RFC5: variants seen among roughly 807,000 people sequenced by gnomAD.
The protein encoded by RFC5 is A1 36 kDa subunit.
In RFC5, 26 loss-of-function variants were observed where a neutral mutation model predicts 44.3. The ratio of observed to expected loss-of-function variants is 0.59; its 90% confidence interval spans 0.43 to 0.81. The LOEUF (loss-of-function observed/expected upper bound fraction) is 0.81. Among genes scored for constraint, RFC5 ranks in the 40% least tolerant of loss-of-function variants. The pLI, the probability that RFC5 is intolerant of heterozygous loss-of-function variation, is 0.00. For missense variants in RFC5, 328 were observed against 418.6 expected, an observed-to-expected ratio of 0.78 and a Z score of 1.89; for synonymous variants, 155 against 155.2, an observed-to-expected ratio of 1.00 and a Z score of 0.01.
In RFC5 at chr12:118,025,008, GA is replaced by G; in HGVS notation, c.581del (p.Val195LeufsTer3). The G allele has an allele frequency of 6.2e-7, 1 of 1,612,578 alleles. No homozygotes were observed. The highest frequency in any genetic ancestry group is 8.5e-7 in the Non-Finnish European group (1 of 1,179,578). On this transcript the variant is annotated frameshift_variant and splice_region_variant, in exon 6 of 11. Coordinates refer to ENST00000454402, the MANE Select transcript of RFC5 (RefSeq NM_007370.7). LOFTEE classifies it high-confidence loss of function. ...PRLEHVVEEE[K>X]VDISEDGMKA... ...GCCTGGAACATGTCGTGGAAGAAGAGAAGTGAGTATTTTGCGGGCCTTTGGG... is the reference window on the plus strand; with the variant it reads ...GCCTGGAACATGTCGTGGAAGAAGAGAGTGAGTATTTTGCGGGCCTTTGGG...
chr12:118,026,701 C>T (rs2030966444), intron 7 of RFC5, among the ~76,000 whole-genome samples, 188 bp from the exon 8 acceptor site: 2 of 152,262 alleles, frequency 1.3e-5, no homozygotes, highest in Admixed American at 6.5e-5. Flanking sequence ...GAATAGCCAA[C>T]AGGCTGTGGC....
chr12:118,027,671 TAA>T (rs58896704), intron 8 of RFC5, among the ~76,000 whole-genome samples: 10 of 129,658 alleles, frequency 7.7e-5, no homozygotes, highest in South Asian at 2.7e-4. Context: ...GATTCCATCT[TAA>T]AAAAAAAAAA....
rs1404347684 is a variant in RFC5 at position 118,031,933 on chromosome 12, G to T, written c.*655G>T. ...ACTATGCCACTGGGTGGCAGAGGCT[G>T]TATAAAACGCACTTGTTTTCATGCA... is the stretch of plus-strand genomic sequence containing the variant. On this transcript the variant is annotated 3_prime_UTR_variant, in exon 11 of 11. Coordinates refer to ENST00000454402, the MANE Select transcript of RFC5 (RefSeq NM_007370.7). The T allele has an allele frequency of 1.3e-5, 2 of 152,228 alleles. No homozygotes were observed. Among genetic ancestry groups the T allele is most frequent in the Non-Finnish European group, 2.9e-5 (2 of 68,044 alleles). 9.4% of individuals were successfully genotyped at this position (152,228 alleles called of 1,614,324 possible).
intron 7 of RFC5, 135 bp downstream of exon 7, chr12:118,025,963 C>T (rs893087714): frequency 4.3e-5 from 26 of 598,260 alleles, no homozygotes; most frequent in Non-Finnish European, 9.0e-6. Context: ...AATCTCCTGC[C>T]TCCTGAGCAG....
intron 1 of RFC5, among the ~76,000 whole-genome samples, chr12:118,017,288 G>A (rs1330602602): frequency 6.6e-6 from 1 of 152,144 alleles, no homozygotes; most frequent in Non-Finnish European, 1.5e-5. Context: ...AACGCTCCCT[G>A]GTCAACTTTT....
At chr12:118,034,593 CGGCA>C (rs2031461561), downstream of RFC5, 1 of 541,690 alleles carries the variant, frequency 1.8e-6, no homozygotes, top group Admixed American at 3.4e-5. Flanking sequence ...GTCTCTCTCT[CGGCA>C]CAGCCCTTTC....
At chr12:118,018,962 G>T in intron 1 of RFC5, 110 bp from the exon 2 acceptor site, 1 of 804,666 alleles carries the variant, frequency 1.2e-6, no homozygotes, top group Non-Finnish European at 2.0e-6. Context: ...GCCTCCCAAA[G>T]TGCTGGGATT....
downstream of RFC5, chr12:118,034,571 A>AGC (rs1555267381): frequency 8.8e-6 from 4 of 456,956 alleles, no homozygotes; most frequent in Admixed American, 8.7e-5. Flanking sequence ...GTGATACCAA[A>AGC]GCGCTCTCTC....
At chr12:118,033,276 C>T (rs989131930), downstream of RFC5, 1 of 152,460 alleles carries the variant, frequency 6.6e-6, no homozygotes, top group Non-Finnish European at 1.5e-5. Flanking sequence ...AGATCTCGTA[C>T]ATAAGAGTAT....
rs1291621402 is a variant in RFC5, at chr12:118,029,766, C to T, written c.872-5C>T. 1 of 1,603,388 alleles carries T rather than the reference C, an allele frequency of 6.2e-7. No individual in the cohort carries two copies. Among genetic ancestry groups the T allele is most frequent in the Non-Finnish European group, 8.5e-7 (1 of 1,170,318 alleles). On this transcript the variant is annotated splice_region_variant and splice_polypyrimidine_tract_variant and intron_variant, in intron 9 of 10. Transcript: ENST00000454402. ...CTAACTCATTTGATTTTGTTTTTCC[C>T]TCAGTTGACTTTCCATCTTCAGTTC...
At position 118,027,046 on chromosome 12, in the gene RFC5, C is replaced by G. The variant is rs1173264809; in HGVS notation, c.793+28C>G. The G allele has an allele frequency of 3.1e-6, 5 of 1,602,338 alleles. No individual in the cohort carries two copies. The South Asian group carries it at 5.5e-5, about 18-fold the overall frequency. Reference sequence around the variant, plus strand: ...ATCCTTTCTCATGACCTCCTGGCCACCGAGACCTGAAGGTGGCCCCAGGAG... The same window carrying G: ...ATCCTTTCTCATGACCTCCTGGCCAGCGAGACCTGAAGGTGGCCCCAGGAG... On this transcript the variant is annotated intron_variant, in intron 8 of 10. Coordinates refer to ENST00000454402, the MANE Select transcript of RFC5 (RefSeq NM_007370.7).
intron 6 of RFC5, chr12:118,025,215 T>C: frequency 2.1e-6 from 1 of 482,256 alleles, no homozygotes; most frequent in Non-Finnish European, 3.7e-6. Flanking sequence ...TGGTACTTCA[T>C]TTTTCTTGAT....
At chr12:118,034,467 G>A, downstream of RFC5, 1 of 1,311,034 alleles carries the variant, frequency 7.6e-7, no homozygotes, top group Non-Finnish European at 1.0e-6. Context: ...AGACTTCGGA[G>A]AGTGAAATGT....
At position 118,024,347 on chromosome 12, in the gene RFC5, G is replaced by GAA. The variant is rs1366257851; in HGVS notation, c.422-499_422-498dup. 2.3e-3 allele frequency among the ~76,000 whole-genome samples: 343 copies of GAA among 149,520 alleles called. 1 individual carries two copies. The highest frequency in any genetic ancestry group is 3.5e-3 in the Non-Finnish European group (233 of 67,458). ...CAGAGCGAGACTCTGTTTCAAAAAA[G>GAA]AAAAAAGAGGAGTGGCTAATCTCTG... On this transcript the variant is annotated intron_variant, in intron 5 of 10. Transcript: ENST00000454402.
intron 1 of RFC5, chr12:118,017,765 G>C: frequency 1.5e-6 from 1 of 656,966 alleles, no homozygotes; most frequent in Non-Finnish European, 2.7e-6. Context: ...CAAACATTGG[G>C]GTTCAAGCCA....
In RFC5 at chr12:118,017,704, T is replaced by A. The variant is rs5745802; in HGVS notation, c.65+812T>A. On this transcript the variant is annotated intron_variant, in intron 1 of 10. Transcript: ENST00000454402. ...TTTTTTTTTAGAGACAGGGTCTCGC[T>A]CTGTCGCCCATGCTGGAGCGCAGTG... The A allele has an allele frequency of 6.6e-4, 530 of 799,266 alleles. 2 individuals carry two copies. The East Asian group carries it at 0.013, about 19-fold the overall frequency. 49.5% of individuals were successfully genotyped at this position (799,266 alleles called of 1,614,324 possible). A position where few individuals can be genotyped will look rare whatever the true frequency, so the allele number is the denominator to read the frequency against.
intron 4 of RFC5, among the ~76,000 whole-genome samples, chr12:118,021,357 G>T (rs372711453): frequency 1.3e-5 from 2 of 151,904 alleles, no homozygotes; most frequent in African/African-American, 4.8e-5. Flanking sequence ...GACTACAGTC[G>T]TGAGCCATCA....
Position 118,016,736 on chromosome 12 carries a change from A to G in RFC5, c.-92A>G, listed in dbSNP as rs2030100624. 9.7e-7 allele frequency: 1 copy of G among 1,034,348 alleles called. No individual in the cohort carries two copies. Among genetic ancestry groups the G allele is most frequent in the Non-Finnish European group, 1.5e-6 (1 of 681,012 alleles). The allele number at this position is 1,034,348 out of a possible 1,614,324, so 64.1% of individuals were successfully genotyped here. ...CTTTTGCGCGCGAACTGTAAGTGCC[A>G]GGGTCTCAGGGTCAGGTCGCGGCTG... On this transcript the variant is annotated 5_prime_UTR_variant, in exon 1 of 11. Coordinates refer to ENST00000454402, the MANE Select transcript of RFC5 (RefSeq NM_007370.7).
At chr12:118,038,180 T>C in the RFC5 span, 2 of 1,035,426 alleles carry the variant, frequency 1.9e-6, no homozygotes, top group South Asian at 1.8e-5. Flanking sequence ...CAGCATGCCT[T>C]CTATTGGGGT....
Sources: gnomAD v4.1 joint callset for allele counts (sites outside exome capture counted in the v4.1 genomes callset) on GRCh38, gnomAD v4.1.1 for gene constraint, MANE v1.5 for transcripts, NCBI Gene and HGNC (gene_info 2026-07-23, HGNC 2026-07-21) for gene names.